The following MCM9 variants were observed in gnomAD, a reference collection of about 807,000 sequenced individuals.
The protein encoded by MCM9 is DNA helicase MCM9.
Under a neutral mutation model 72.8 loss-of-function variants are expected in MCM9, and 55 were observed. The ratio of observed to expected loss-of-function variants is 0.76; its 90% CI spans 0.61 to 0.95. The LOEUF is 0.95. MCM9 is among the 40% of genes least tolerant of loss of function. The pLI is 0.00. For synonymous variants in MCM9, 480 were observed against 503.4 expected (o/e 0.95, Z 0.62); for missense variants, 1,279 against 1,377.0 (o/e 0.93, Z 1.13).
At chr6:118,923,685 T>G in intron 4 of MCM9, 126 bp downstream of exon 4, 1 of 819,900 alleles carries the variant, frequency 1.2e-6, no homozygotes, top group Non-Finnish European at 1.9e-6. Context: ...GTTTCGAGCT[T>G]GATCTTCCAC....
chr6:118,862,791 C>T (rs996476674), intron 8 of MCM9, among the ~76,000 whole-genome samples: 1 of 152,192 alleles, frequency 6.6e-6, no homozygotes, highest in Non-Finnish European at 1.5e-5. Flanking sequence ...ATAAGAAGTA[C>T]ATCTGACATC....
At position 118,814,115 on chromosome 6, in the gene MCM9, A is replaced by G. The variant is rs75231076; in HGVS notation, c.*709T>C. 1 of 152,160 alleles carries G rather than the reference A, an allele frequency of 6.6e-6. No homozygotes were observed. The highest frequency in any genetic ancestry group is 1.5e-5 in the Non-Finnish European group (1 of 68,036). 9.4% of individuals were successfully genotyped at this position (152,160 alleles called of 1,614,324 possible). ...TTACTTGGTTGAAGGTAGGCCCCCA[A>G]GAGAAAAAAGAATCTGAAGTACAAA... On this transcript the variant is annotated 3_prime_UTR_variant, in exon 14 of 14. Transcript: ENST00000619706.
intron 9 of MCM9, among the ~76,000 whole-genome samples, chr6:118,833,032 C>A (rs1774684732): frequency 2.6e-5 from 4 of 152,186 alleles, no homozygotes; most frequent in Admixed American, 2.0e-4. Context: ...CCCCTAAAAG[C>A]CTTCCTGTGC....
intron 13 of MCM9, among the ~76,000 whole-genome samples, chr6:118,823,324 T>C (rs146222610): frequency 1.9e-3 from 284 of 152,294 alleles, no homozygotes; most frequent in Middle Eastern, 0.01. Flanking sequence ...AGTCCCTCAC[T>C]GCTTTCCTTG....
At chr6:118,905,856 T>C (rs776284455) in intron 8 of MCM9, 2 of 1,496,700 alleles carry the variant, frequency 1.3e-6, no homozygotes, top group Non-Finnish European at 1.8e-6. Flanking sequence ...CCTTTTTAAC[T>C]ACTTTTACTA....
chr6:118,909,739 C>G (rs1780402629), intron 8 of MCM9, among the ~76,000 whole-genome samples: 1 of 152,172 alleles, frequency 6.6e-6, no homozygotes, highest in Admixed American at 6.6e-5. Flanking sequence ...ACTATACCCT[C>G]TAATTTTAGG....
chr6:118,903,825 G>A (rs970183014), intron 8 of MCM9, among the ~76,000 whole-genome samples: 3 of 152,168 alleles, frequency 2.0e-5, no homozygotes, highest in Non-Finnish European at 2.9e-5. Flanking sequence ...GGGCTCAAGT[G>A]ATCCACCCAC....
chr6:118,932,517 G>A (rs9320671), intron 2 of MCM9, 90 bp downstream of exon 2: 445,268 of 757,946 alleles, frequency 0.59, 132,253 homozygotes, highest in East Asian at 0.69. Context: ...TTGTTTATAT[G>A]AACACAGTGT....
chr6:118,844,981 C>T (rs1215765205), intron 9 of MCM9, among the ~76,000 whole-genome samples: 1 of 151,886 alleles, frequency 6.6e-6, no homozygotes, highest in Admixed American at 6.6e-5. Context: ...CATACAGGAA[C>T]AGCTGCCCAC....
At chr6:118,837,311 G>A (rs781114659) in intron 9 of MCM9, among the ~76,000 whole-genome samples, 14 of 152,230 alleles carry the variant, frequency 9.2e-5, no homozygotes, top group Admixed American at 5.9e-4. Context: ...TTTAGAATAA[G>A]TGCTATGTGG....
At chr6:118,869,387 T>C (rs969314186) in intron 8 of MCM9, among the ~76,000 whole-genome samples, 2 of 152,082 alleles carry the variant, frequency 1.3e-5, no homozygotes, top group Non-Finnish European at 2.9e-5. Flanking sequence ...TGTGCACATG[T>C]ACCCTAGAAC....
intron 8 of MCM9, among the ~76,000 whole-genome samples, chr6:118,895,024 T>C (rs1371687331): frequency 6.6e-6 from 1 of 152,082 alleles, no homozygotes; most frequent in Admixed American, 6.5e-5. Flanking sequence ...GCCGCCCGCC[T>C]GCCCCCGGCG....
intron 8 of MCM9, among the ~76,000 whole-genome samples, chr6:118,873,228 G>GGGA (rs1777728911): frequency 1.2e-5 from 1 of 80,764 alleles, no homozygotes; most frequent in African/African-American, 4.3e-5. Flanking sequence ...GGAAAGGGAA[G>GGGA]GGGAAAGGGA....
At chr6:118,892,485 A>C (rs1779011753) in intron 8 of MCM9, among the ~76,000 whole-genome samples, 1 of 152,182 alleles carries the variant, frequency 6.6e-6, no homozygotes, top group Admixed American at 6.5e-5. Flanking sequence ...GACTGACTAG[A>C]CTCTCCTCTT....
chr6:118,917,782 A>G, intron 5 of MCM9, 21 bp from the exon 6 acceptor site: 2 of 1,605,254 alleles, frequency 1.2e-6, no homozygotes, highest in Non-Finnish European at 1.7e-6. Flanking sequence ...GCATCAAGTG[A>G]GTCCAGCAGT....
intron 8 of MCM9, among the ~76,000 whole-genome samples, chr6:118,865,773 C>T (rs1160957155): frequency 2.0e-5 from 3 of 152,194 alleles, no homozygotes; most frequent in Admixed American, 6.5e-5. Flanking sequence ...ATAACTTCCA[C>T]CCAAGGTAAT....
intron 8 of MCM9, chr6:118,909,303 T>C (rs188164011): frequency 6.6e-6 from 1 of 152,350 alleles, no homozygotes; most frequent in Admixed American, 6.5e-5. Flanking sequence ...CTATTTGTAG[T>C]GACATCAAAG....
intron 6 of MCM9, 76 bp downstream of exon 6, chr6:118,917,485 C>A: frequency 7.1e-7 from 1 of 1,408,732 alleles, no homozygotes; most frequent in South Asian, 1.2e-5. Flanking sequence ...ATAAGACTGT[C>A]AAATCACAGA....
At chr6:118,888,785 A>C (rs1162499827) in intron 8 of MCM9, among the ~76,000 whole-genome samples, 1 of 152,234 alleles carries the variant, frequency 6.6e-6, no homozygotes, top group East Asian at 1.9e-4. Context: ...AACATGAAAG[A>C]AGCATCAAAA....
Sources: allele counts gnomAD v4.1 joint callset (sites outside exome capture counted in the v4.1 genomes callset), GRCh38; gene constraint gnomAD v4.1.1; transcripts MANE v1.5; gene names NCBI Gene and HGNC (gene_info 2026-07-23, HGNC 2026-07-21).